FGF1: variants seen among roughly 807,000 people sequenced by gnomAD.
The protein encoded by FGF1 is beta-endothelial cell growth factor.
A neutral mutation model predicts 13.4 loss-of-function variants in FGF1; 9 were observed. The ratio of observed to expected loss-of-function variants is 0.67; its 90% confidence interval spans 0.40 to 1.17. The LOEUF (loss-of-function observed/expected upper bound fraction) is 1.17, where lower values mean the gene tolerates loss of function less well. Among genes scored for constraint, FGF1 ranks in the 50% most tolerant of loss-of-function variants. The pLI is 0.01. For synonymous variants in FGF1, 93 were observed against 79.0 expected (o/e 1.18, Z -0.94); for missense variants, 156 against 192.7 (o/e 0.81, Z 1.13).
rs188501140 is a variant in FGF1 at position 142,679,001 on chromosome 5, T to C, written c.-35+6956A>G. On this transcript the variant is annotated intron_variant, in intron 1 of 3. Coordinates refer to ENST00000337706, the MANE Select transcript of FGF1 (RefSeq NM_000800.5). ...CTTGGGTGTGTGAGCTCAGAAAGCC[T>C]GACGTCTCTCTCCAGGGCTGACCCA... Among the ~76,000 whole-genome samples, 9 of 152,310 alleles carry C rather than the reference T, an allele frequency of 5.9e-5. 1 individual carries two copies. Among genetic ancestry groups the C allele is most frequent in the African/African-American group, 1.9e-4 (8 of 41,576 alleles).
At chr5:142,680,275 C>T (rs182091909) in intron 1 of FGF1, among the ~76,000 whole-genome samples, 7 of 152,242 alleles carry the variant, frequency 4.6e-5, no homozygotes, top group African/African-American at 7.2e-5. Context: ...CAACTGTCTT[C>T]GACTCATTGA....
chr5:142,630,526 C>T (rs1242968063), intron 1 of FGF1, among the ~76,000 whole-genome samples: 1 of 152,214 alleles, frequency 6.6e-6, no homozygotes, highest in Non-Finnish European at 1.5e-5. Flanking sequence ...CCTGTCATGG[C>T]TTTCCATTTC....
chr5:142,661,497 G>A (rs1352579523), intron 1 of FGF1, among the ~76,000 whole-genome samples: 1 of 152,096 alleles, frequency 6.6e-6, no homozygotes, highest in Non-Finnish European at 1.5e-5. Flanking sequence ...GCAACTAAGA[G>A]AAATGAAAAC....
At chr5:142,635,456 T>C (rs1764095481) in intron 1 of FGF1, among the ~76,000 whole-genome samples, 1 of 152,176 alleles carries the variant, frequency 6.6e-6, no homozygotes, top group Non-Finnish European at 1.5e-5. Flanking sequence ...GAATAGAATA[T>C]GCCCCCCCGC....
Position 142,638,928 on chromosome 5 carries a change from A to T in FGF1, c.-34-24767T>A, listed in dbSNP as rs541678002. ...GCAGGTACAGGTAAAAATGCTCAAC[A>T]TTGCTAATCATTAGGGAAACACAAA... On this transcript the variant is annotated intron_variant, in intron 1 of 3. Coordinates refer to ENST00000337706, the MANE Select transcript of FGF1 (RefSeq NM_000800.5). Among the ~76,000 whole-genome samples, 80 of 152,152 alleles carry T rather than the reference A, an allele frequency of 5.3e-4. 2 individuals carry two copies. The highest frequency in any genetic ancestry group is 1.9e-3 in the African/African-American group (79 of 41,412).
In FGF1 at chr5:142,613,976, T is replaced by C; in HGVS notation, c.152A>G (p.Asp51Gly). Reference sequence around the variant, plus strand: ...GGGCTTACTGTGCTGGTCGCTCCTGTCCCTTGTCCCATCCACTGTGCCATC... The same window carrying C: ...GGGCTTACTGTGCTGGTCGCTCCTGCCCCTTGTCCCATCCACTGTGCCATC... ...LPDGTVDGTRDRSDQHIQLQL... is the reference protein window; with the variant it reads ...LPDGTVDGTRGRSDQHIQLQL... The change falls in exon 2 of 4, where the codon GAC (aspartate) becomes GGC (glycine). Residue 51 changes from aspartate (D) to glycine (G), a missense_variant. Coordinates refer to ENST00000337706, the MANE Select transcript of FGF1 (RefSeq NM_000800.5). 6.2e-7 allele frequency: 1 copy of C among 1,614,026 alleles called. No individual in the cohort carries two copies. Among genetic ancestry groups the C allele is most frequent in the Non-Finnish European group, 8.5e-7 (1 of 1,180,006 alleles).
chr5:142,595,325 T>G lies in FGF1; in HGVS notation c.433A>C (p.Ile145Leu). Residue 145 changes from isoleucine (I) to leucine (L), a missense_variant, in exon 4 of 4, where the codon ATC becomes CTC. Physicochemically the swap from Ile to Leu is conservative, Grantham distance 5. Transcript: ENST00000337706. ...GAGACTGGCAGGGGGAGAAACAAGATTGCTTTCTGGCCATAGTGAGTCCGA... is the reference window on the plus strand; with the variant it reads ...GAGACTGGCAGGGGGAGAAACAAGAGTGCTTTCTGGCCATAGTGAGTCCGA... Reference protein sequence around the residue: ...GPRTHYGQKAILFLPLPVSSD With the variant: ...GPRTHYGQKALLFLPLPVSSD 6.2e-7 allele frequency: 1 copy of G among 1,614,038 alleles called. No homozygotes were observed. The highest frequency in any genetic ancestry group is 8.5e-7 in the Non-Finnish European group (1 of 1,179,912).
intron 1 of FGF1, among the ~76,000 whole-genome samples, chr5:142,620,185 A>C (rs1761250357): frequency 6.6e-6 from 1 of 152,180 alleles, no homozygotes; most frequent in African/African-American, 2.4e-5. Context: ...TGGGAGGCCG[A>C]GGTGGGCGGA....
At chr5:142,674,560 G>T (rs1036846667) in intron 1 of FGF1, among the ~76,000 whole-genome samples, 1 of 152,144 alleles carries the variant, frequency 6.6e-6, no homozygotes, top group Non-Finnish European at 1.5e-5. Flanking sequence ...CTGGGGGAGA[G>T]ATAATGAGAA....
Position 142,611,075 on chromosome 5 carries a change from C to G in FGF1, c.169+2884G>C, listed in dbSNP as rs75428623. On this transcript the variant is annotated intron_variant, in intron 2 of 3. Coordinates refer to ENST00000337706, the MANE Select transcript of FGF1 (RefSeq NM_000800.5). ...GAAGTCTTAACGTGTGACTCTGTCA[C>G]TTCAGTCTCTAATTATGCTCAAACT... 3.8e-4 allele frequency among the ~76,000 whole-genome samples: 58 copies of G among 152,298 alleles called. No individual in the cohort carries two copies. In the East Asian group the frequency reaches 0.011, roughly 28 times the overall value.
rs1228336217 is a variant in FGF1 at position 142,593,889 on chromosome 5, T to C, written c.*1401A>G. The C allele has an allele frequency of 6.6e-6, 1 of 152,652 alleles. No individual in the cohort carries two copies. Among genetic ancestry groups the C allele is most frequent in the Non-Finnish European group, 1.5e-5 (1 of 68,040 alleles). The allele number at this position is 152,652 out of a possible 1,614,324, so 9.5% of individuals were successfully genotyped here. On this transcript the variant is annotated 3_prime_UTR_variant, in exon 4 of 4. Transcript: ENST00000337706. ...GTTTCTAATTTGCTAGCCACCTGGG[T>C]CAAGTTTAAGCAGGAAGTGTATTTA...
At chr5:142,653,110 C>T (rs1258358392) in intron 1 of FGF1, among the ~76,000 whole-genome samples, 2 of 152,112 alleles carry the variant, frequency 1.3e-5, no homozygotes, top group African/African-American at 4.8e-5. Flanking sequence ...AGAAAGCCAG[C>T]GGTTACCTTT....
At chr5:142,679,501 G>T (rs1773317184) in intron 1 of FGF1, among the ~76,000 whole-genome samples, 1 of 152,144 alleles carries the variant, frequency 6.6e-6, no homozygotes, top group Non-Finnish European at 1.5e-5. Flanking sequence ...TTTCATGAAG[G>T]TGGGGGCTCT....
upstream of FGF1, among the ~76,000 whole-genome samples, chr5:142,689,255 A>C (rs755015894): frequency 1.3e-4 from 20 of 152,150 alleles, no homozygotes; most frequent in Non-Finnish European, 2.1e-4. Context: ...AATCTTAATC[A>C]GCTGACGGGA....
chr5:142,691,935 T>C (rs1051354467), intron 2 of FGF1, among the ~76,000 whole-genome samples: 1 of 152,240 alleles, frequency 6.6e-6, no homozygotes, highest in African/African-American at 2.4e-5. Context: ...GACTATAGGC[T>C]GTGAACCTTG....
At chr5:142,613,347 T>G (rs1379058599) in intron 2 of FGF1, among the ~76,000 whole-genome samples, 2 of 152,234 alleles carry the variant, frequency 1.3e-5, no homozygotes, top group African/African-American at 4.8e-5. Flanking sequence ...GGAAGAGATA[T>G]TCAGCATTTG....
intron 1 of FGF1, among the ~76,000 whole-genome samples, chr5:142,653,781 A>G (rs1044751678): frequency 1.3e-5 from 2 of 152,192 alleles, no homozygotes; most frequent in Non-Finnish European, 2.9e-5. Context: ...CCTCCAGACC[A>G]TGAGGGCAGA....
chr5:142,611,852 C>T (rs893607412), intron 2 of FGF1, among the ~76,000 whole-genome samples: 1 of 152,138 alleles, frequency 6.6e-6, no homozygotes, highest in African/African-American at 2.4e-5. Flanking sequence ...TCTGGAAGGT[C>T]CTTCAATACG....
At chr5:142,627,762 C>G (rs930113634) in intron 1 of FGF1, among the ~76,000 whole-genome samples, 3 of 152,140 alleles carry the variant, frequency 2.0e-5, no homozygotes, top group Non-Finnish European at 4.4e-5. Flanking sequence ...CTTCAAGGGC[C>G]AAGTTTTTGC....
Sources: gnomAD v4.1 joint callset for allele counts (sites outside exome capture counted in the v4.1 genomes callset) on GRCh38, gnomAD v4.1.1 for gene constraint, MANE v1.5 for transcripts, NCBI Gene and HGNC (gene_info 2026-07-23, HGNC 2026-07-21) for gene names.